Variants in AJAP1 observed in about 807,000 individuals in gnomAD.
AJAP1 encodes the protein adherens junctions associated protein 1.
A neutral mutation model predicts 35.0 loss-of-function variants in AJAP1; 5 were observed. The observed-to-expected ratio is 0.14, with a 90% CI of 0.07 to 0.30. The LOEUF (loss-of-function observed/expected upper bound fraction) is 0.30. AJAP1 is among the 10% of genes least tolerant of loss of function. The probability of loss-of-function intolerance (pLI) is 1.00; values close to 1 mark genes in which losing one functional copy is unlikely to be tolerated. For synonymous variants in AJAP1, 284 were observed against 249.3 expected, an observed-to-expected ratio of 1.14 and a Z score of -1.31; for missense variants, 586 against 571.0, an observed-to-expected ratio of 1.03 and a Z score of -0.27.
chr1:4,732,645 CA>C (rs1264093708), intron 2 of AJAP1, among the ~76,000 whole-genome samples: 1 of 152,256 alleles, frequency 6.6e-6, no homozygotes, highest in East Asian at 1.9e-4. Flanking sequence ...CCTGTGCAGG[CA>C]GGTGAGAGCG....
intron 2 of AJAP1, among the ~76,000 whole-genome samples, chr1:4,728,691 C>T (rs1201301269): frequency 6.6e-6 from 1 of 152,202 alleles, no homozygotes; most frequent in Non-Finnish European, 1.5e-5. Flanking sequence ...GGTCCGTCTA[C>T]AGCGAAAGGT....
At chr1:4,717,571 A>G (rs1640423835) in intron 2 of AJAP1, among the ~76,000 whole-genome samples, 1 of 152,174 alleles carries the variant, frequency 6.6e-6, no homozygotes, top group African/African-American at 2.4e-5. Context: ...TCACTCATGC[A>G]TTTCTAAGGA....
In AJAP1 at chr1:4,734,190, C is replaced by T. The variant is rs1640866349; in HGVS notation, c.829+21491C>T. On this transcript the variant is annotated intron_variant, in intron 2 of 5. Coordinates refer to ENST00000378191, the MANE Select transcript of AJAP1 (RefSeq NM_018836.4). This position sits in a 1 kb window ranked among gnomAD's most constrained non-coding sequence, Gnocchi z 4.3. ...TGTTCTGTGTGGAGGAAGAGAGGCA[C>T]CCGCTCAGATGCTCCTTCTTAGATG... is the stretch of plus-strand genomic sequence containing the variant. Among the ~76,000 whole-genome samples the T allele has an allele frequency of 1.3e-5, 2 of 152,200 alleles. No individual in the cohort carries two copies. Among genetic ancestry groups the T allele is most frequent in the African/African-American group, 4.8e-5 (2 of 41,462 alleles).
At chr1:4,736,057 CAG>C (rs376112340) in intron 2 of AJAP1, among the ~76,000 whole-genome samples, 18 of 152,216 alleles carry the variant, frequency 1.2e-4, no homozygotes, top group African/African-American at 2.9e-4. Flanking sequence ...ATTTGGAAAA[CAG>C]GGGTAAGAAA....
intron 2 of AJAP1, among the ~76,000 whole-genome samples, chr1:4,716,950 C>T (rs1273953591): frequency 3.9e-5 from 6 of 152,160 alleles, no homozygotes; most frequent in Admixed American, 3.3e-4. Context: ...GGAAAATCAC[C>T]TGGCACAGGT....
intron 2 of AJAP1, among the ~76,000 whole-genome samples, chr1:4,749,589 A>G (rs2100330207): frequency 6.6e-6 from 1 of 152,300 alleles, no homozygotes; most frequent in African/African-American, 2.4e-5. Flanking sequence ...GGGGGAGGCA[A>G]GAGTGGGGAG....
In AJAP1 at chr1:4,712,169, G is replaced by A. The variant is rs745335913; in HGVS notation, c.299G>A (p.Arg100Gln). 7.0e-6 allele frequency: 11 copies of A among 1,564,522 alleles called. No individual in the cohort carries two copies. Among genetic ancestry groups the A allele is most frequent in the African/African-American group, 1.4e-5 (1 of 73,558 alleles). The change falls in exon 2 of 6, where the codon CGG becomes CAG. Residue 100 changes from arginine (R) to glutamine (Q), a missense_variant. Arg to Gln is a conservative substitution (Grantham distance 43). Coordinates refer to ENST00000378191, the MANE Select transcript of AJAP1 (RefSeq NM_018836.4). ...CAGATGCAGATGCCTCGAGCCAGAC[G>A]GGCCCACAGGCCCCGGGACCAGGCG... ...HGQMQMPRAR[R>Q]AHRPRDQAAA...
In AJAP1 at chr1:4,692,294, C is replaced by G. The variant is rs1216108870; in HGVS notation, c.30-19606C>G. ...GTCAGGGCTTCTCGGGCTCCTCACC[C>G]CGCGCCCTGGGCTGCTCTCCTCTCT... On this transcript the variant is annotated intron_variant, in intron 1 of 5. Transcript: ENST00000378191. This position sits in a 1 kb window ranked among gnomAD's most constrained non-coding sequence, Gnocchi z 4.4. 6.6e-6 allele frequency among the ~76,000 whole-genome samples: 1 copy of G among 152,200 alleles called. No individual in the cohort carries two copies. Among genetic ancestry groups the G allele is most frequent in the Non-Finnish European group, 1.5e-5 (1 of 68,040 alleles).
At position 4,790,102 on chromosome 1, in the gene AJAP1, G is replaced by A. The variant is rs914433548; in HGVS notation, c.*7617G>A. The A allele has an allele frequency of 6.6e-6, 1 of 152,248 alleles. No homozygotes were observed. The highest frequency in any genetic ancestry group is 2.4e-5 in the African/African-American group (1 of 41,440). 9.4% of individuals were successfully genotyped at this position (152,248 alleles called of 1,614,324 possible). On this transcript the variant is annotated 3_prime_UTR_variant, in exon 6 of 6. Transcript: ENST00000378191. The stretch of plus-strand genomic sequence containing the variant: ...CTCACCTGGGGCAGAAGGGAGAAAG[G>A]GCTTTGCTGAAGTCTCAGGCTGCCG...
chr1:4,774,337 C>G, intron 4 of AJAP1, 90 bp from the exon 5 acceptor site: 2 of 1,205,320 alleles, frequency 1.7e-6, no homozygotes, highest in Non-Finnish European at 2.5e-6. Context: ...CTCAAGAAGC[C>G]AGTCCCCACC....
At chr1:4,739,767 A>T (rs1473802469) in intron 2 of AJAP1, among the ~76,000 whole-genome samples, 1 of 151,930 alleles carries the variant, frequency 6.6e-6, no homozygotes, top group Non-Finnish European at 1.5e-5. Context: ...TCTGTTCTTC[A>T]CCACACAGCA....
intron 1 of AJAP1, among the ~76,000 whole-genome samples, chr1:4,691,295 C>T (rs544958777): frequency 6.6e-6 from 1 of 152,240 alleles, no homozygotes; most frequent in Non-Finnish European, 1.5e-5. Context: ...AGGCCACCTT[C>T]TCCCAGGTTG....
Position 4,712,695 on chromosome 1 carries a change from C to T in AJAP1, c.825C>T (p.Ala275=), listed in dbSNP as rs751564649. 1 of 1,512,328 alleles carries T rather than the reference C, an allele frequency of 6.6e-7. No homozygotes were observed. Among genetic ancestry groups the T allele is most frequent in the Non-Finnish European group, 8.9e-7 (1 of 1,127,894 alleles). The allele number at this position is 1,512,328 out of a possible 1,614,324, so 93.7% of individuals were successfully genotyped here. The part of the protein sequence containing the change: ...VTQPPRILGE[A]SGLAVHQIIT... ...AGCCCCCAAGGATTCTGGGGGAGGC[C>T]TCAGGTACAGCCATCTCTCTTCTGG... is the stretch of plus-strand genomic sequence containing the variant. Residue 275 remains alanine (A), a synonymous_variant, in exon 2 of 6, where the codon GCC becomes GCT. Transcript: ENST00000378191.
intron 1 of AJAP1, among the ~76,000 whole-genome samples, chr1:4,676,249 C>T (rs1368458196): frequency 3.9e-5 from 6 of 152,148 alleles, no homozygotes; most frequent in African/African-American, 1.4e-4. Flanking sequence ...CATGTACTTG[C>T]GCATTCTTTA....
intron 2 of AJAP1, among the ~76,000 whole-genome samples, chr1:4,714,572 A>G (rs796490209): frequency 6.6e-5 from 10 of 152,340 alleles, no homozygotes; most frequent in African/African-American, 2.2e-4. Flanking sequence ...ATTAATTCAC[A>G]GTGCATTGGA....
rs1418823195 is a variant in AJAP1 at position 4,654,706 on chromosome 1, C to T, written c.-720C>T. The T allele has an allele frequency of 2.7e-4, 39 of 146,428 alleles. No homozygotes were observed. The East Asian group carries it at 7.8e-3, about 29-fold the overall frequency. 9.1% of individuals were successfully genotyped at this position (146,428 alleles called of 1,614,324 possible). A position where few individuals can be genotyped will look rare whatever the true frequency, so the allele number is the denominator to read the frequency against. On this transcript the variant is annotated 5_prime_UTR_variant, in exon 1 of 6. Transcript: ENST00000378191. The surrounding 1 kb of genome is among the most constrained non-coding windows in gnomAD (Gnocchi z 5.1). ...CCCCGGGATCCCCGCGCGCCTCCTC[C>T]GCGCGGCGCCGCCGCCGCGCGTCCC...
chr1:4,745,625 T>C (rs1641170581), intron 2 of AJAP1, among the ~76,000 whole-genome samples: 1 of 152,204 alleles, frequency 6.6e-6, no homozygotes. Flanking sequence ...TATGCACACC[T>C]TGGGACTGCC....
intron 2 of AJAP1, among the ~76,000 whole-genome samples, chr1:4,750,525 G>T (rs191538259): frequency 6.6e-6 from 1 of 152,222 alleles, no homozygotes; most frequent in Admixed American, 6.5e-5. Flanking sequence ...GCCAGGCTGG[G>T]ATCAGTGGGT....
At chr1:4,744,322 AT>A (rs140070602) in intron 2 of AJAP1, among the ~76,000 whole-genome samples, 10,894 of 152,196 alleles carry the variant, frequency 0.072, 483 homozygotes, top group Middle Eastern at 0.11. Flanking sequence ...ACTCTCACGT[AT>A]TTTTTCCTCT....
Sources: gnomAD v4.1 joint callset for allele counts (sites outside exome capture counted in the v4.1 genomes callset) on GRCh38, gnomAD v4.1.1 for gene constraint, Gnocchi (gnomAD v3.1) non-coding constraint, MANE v1.5 for transcripts, NCBI Gene and HGNC (gene_info 2026-07-23, HGNC 2026-07-21) for gene names.